The following NAV1 variants were observed in gnomAD, a reference collection of about 807,000 sequenced individuals.
The protein encoded by NAV1 is pore membrane and/or filament interacting like protein 3.
NAV1 carries 18 observed loss-of-function variants against 175.2 expected under a neutral mutation model. That is an observed-to-expected ratio of 0.10 (90% CI 0.07 to 0.15). The LOEUF (loss-of-function observed/expected upper bound fraction) is 0.15, where lower values mean the gene tolerates loss of function less well. Among genes scored for constraint, NAV1 ranks in the 10% least tolerant of loss-of-function variants. The probability of loss-of-function intolerance (pLI) is 1.00; values close to 1 mark genes in which losing one functional copy is unlikely to be tolerated. For synonymous variants in NAV1, 897 were observed against 978.7 expected (o/e 0.92, Z 1.56); for missense variants, 1,731 against 2,436.6 (o/e 0.71, Z 6.10).
At chr1:201,800,358 A>T (rs1677772699) in intron 15 of NAV1, among the ~76,000 whole-genome samples, 1 of 152,202 alleles carries the variant, frequency 6.6e-6, no homozygotes. Context: ...TCATAAAAGC[A>T]ATGCATGTTC....
intron 1 of NAV1, among the ~76,000 whole-genome samples, chr1:201,700,668 A>G (rs1671377599): frequency 6.6e-6 from 1 of 152,200 alleles, no homozygotes; most frequent in African/African-American, 2.4e-5. Context: ...CACAATAGCA[A>G]AGACTTGGAA....
In NAV1 at chr1:201,597,809, G is replaced by A. The variant is rs549961948; in HGVS notation, c.-33+9160G>A. ...TGTCTCATTTCCTCCTGCTGTGCCC[G>A]TGATGTCCTGGCCCAGTGTGACGAG... On this transcript the variant is annotated intron_variant, in intron 2 of 33. Transcript: ENST00000685211. Among the ~76,000 whole-genome samples, 26 of 152,342 alleles carry A rather than the reference G, an allele frequency of 1.7e-4. No individual in the cohort carries two copies. The South Asian group carries it at 3.7e-3, about 22-fold the overall frequency.
chr1:201,687,537 G>A (rs749127956), intron 1 of NAV1, among the ~76,000 whole-genome samples: 7 of 152,280 alleles, frequency 4.6e-5, no homozygotes, highest in East Asian at 3.9e-4. Flanking sequence ...CTTAACATAC[G>A]TTATCTACTT....
chr1:201,648,203 C>T (rs1669042073), upstream of NAV1: 2 of 995,110 alleles, frequency 2.0e-6, no homozygotes, highest in African/African-American at 1.7e-5. Flanking sequence ...CTCGGGCTGG[C>T]TGGCTGGCTG....
At chr1:201,613,025 C>A (rs986782645) in intron 2 of NAV1, among the ~76,000 whole-genome samples, 1 of 152,038 alleles carries the variant, frequency 6.6e-6, no homozygotes, top group Non-Finnish European at 1.5e-5. Flanking sequence ...AGGGAGGGTA[C>A]GTGTCAGATG....
At chr1:201,613,772 G>T (rs1306722190) in intron 2 of NAV1, among the ~76,000 whole-genome samples, 2 of 152,298 alleles carry the variant, frequency 1.3e-5, no homozygotes, top group East Asian at 3.9e-4. Flanking sequence ...TGAGGCAAGA[G>T]ACTCGCTTGA....
At chr1:201,737,171 A>C (rs1673149627) in intron 3 of NAV1, 1 of 152,084 alleles carries the variant, frequency 6.6e-6, no homozygotes, top group African/African-American at 2.4e-5. Context: ...GCTGCCAATT[A>C]CCCAAAGTGC....
At chr1:201,627,704 A>G (rs771704391) in intron 1 of NAV1, among the ~76,000 whole-genome samples, 1 of 152,128 alleles carries the variant, frequency 6.6e-6, no homozygotes. Context: ...CCCTCTCCCC[A>G]GTAGAATTTT....
intron 1 of NAV1, among the ~76,000 whole-genome samples, chr1:201,582,053 G>A (rs1028047582): frequency 1.3e-5 from 2 of 152,102 alleles, no homozygotes; most frequent in African/African-American, 2.4e-5. Flanking sequence ...CTGAGATCGC[G>A]CCACTGCACT....
intron 3 of NAV1, among the ~76,000 whole-genome samples, chr1:201,734,931 C>T (rs140135355): frequency 2.6e-5 from 4 of 152,268 alleles, no homozygotes; most frequent in African/African-American, 7.2e-5. Flanking sequence ...GAGGGTCTAC[C>T]CTCTCTCCTG....
At chr1:201,747,195 C>T (rs1673825736) in intron 3 of NAV1, among the ~76,000 whole-genome samples, 1 of 152,110 alleles carries the variant, frequency 6.6e-6, no homozygotes, top group Non-Finnish European at 1.5e-5. Context: ...TCCTCCTGGG[C>T]CCCCATTCTC....
intron 1 of NAV1, among the ~76,000 whole-genome samples, chr1:201,695,039 C>T (rs1671130001): frequency 6.6e-6 from 1 of 152,246 alleles, no homozygotes; most frequent in Non-Finnish European, 1.5e-5. Flanking sequence ...GTTGGCCAGA[C>T]CCTGAGTGCT....
At chr1:201,699,104 A>G (rs1017207297) in intron 1 of NAV1, among the ~76,000 whole-genome samples, 7 of 152,256 alleles carry the variant, frequency 4.6e-5, no homozygotes, top group Non-Finnish European at 8.8e-5. Flanking sequence ...ATCAGGCAAG[A>G]GAAATAAATA....
upstream of NAV1, among the ~76,000 whole-genome samples, chr1:201,644,524 T>C (rs1403064433): frequency 6.6e-6 from 1 of 152,182 alleles, no homozygotes. Context: ...AGATGGCTAT[T>C]TAAAGGGACC....
exon 26 of NAV1, chr1:201,811,952 C>T: frequency 6.2e-7 from 1 of 1,614,170 alleles, no homozygotes; most frequent in Non-Finnish European, 8.5e-7. Context: ...GACACCCAAC[C>T]ATGGCTTGCA....
Position 201,740,399 on chromosome 1 carries a change from C to T in NAV1, c.1226+21644C>T, listed in dbSNP as rs1673339296. 6.6e-6 allele frequency among the ~76,000 whole-genome samples: 1 copy of T among 152,182 alleles called. No homozygotes were observed. The highest frequency in any genetic ancestry group is 2.1e-4 in the South Asian group (1 of 4,824). The stretch of plus-strand genomic sequence containing the variant: ...CCAGGAGACCTGGACGGAGCTGAGA[C>T]AATAGCGCAACTTGATTGAACTTCG... On this transcript the variant is annotated intron_variant, in intron 3 of 29. Transcript: ENST00000367296. This position sits in a 1 kb window ranked among gnomAD's most constrained non-coding sequence, Gnocchi z 4.7.
At chr1:201,729,026 A>G (rs1672732700) in intron 3 of NAV1, among the ~76,000 whole-genome samples, 1 of 152,234 alleles carries the variant, frequency 6.6e-6, no homozygotes, top group Non-Finnish European at 1.5e-5. Flanking sequence ...GTTGACAATC[A>G]AGATGGGTAA....
At chr1:201,573,491 G>T (rs17469541) in intron 1 of NAV1, among the ~76,000 whole-genome samples, 15,568 of 152,204 alleles carry the variant, frequency 0.1, 987 homozygotes, top group Admixed American at 0.14. Context: ...CTCTGCACCA[G>T]TTCTTCCTGA....
At chr1:201,709,894 A>C (rs1671825612) in intron 1 of NAV1, among the ~76,000 whole-genome samples, 1 of 152,176 alleles carries the variant, frequency 6.6e-6, no homozygotes, top group Admixed American at 6.5e-5. Context: ...TCAGCCTCCC[A>C]GCTCTCCAGA....
Sources: gnomAD v4.1 joint callset for allele counts (sites outside exome capture counted in the v4.1 genomes callset) on GRCh38, gnomAD v4.1.1 for gene constraint, Gnocchi (gnomAD v3.1) non-coding constraint, MANE v1.5 for transcripts, NCBI Gene and HGNC (gene_info 2026-07-23, HGNC 2026-07-21) for gene names.